FKTN: variants seen among roughly 807,000 people sequenced by gnomAD.
The protein encoded by FKTN is ribitol-5-phosphate transferase FKTN.
Under a neutral mutation model 58.6 loss-of-function variants are expected in FKTN, and 47 were observed. The ratio of observed to expected loss-of-function variants is 0.80; its 90% confidence interval spans 0.63 to 1.02. The LOEUF (loss-of-function observed/expected upper bound fraction) is 1.02, where lower values mean the gene tolerates loss of function less well. FKTN is among the 50% of genes least tolerant of loss of function. FKTN has a pLI of 0.00. For missense variants in FKTN, 516 were observed against 537.3 expected, an observed-to-expected ratio of 0.96 and a Z score of 0.39; for synonymous variants, 178 against 191.9, an observed-to-expected ratio of 0.93 and a Z score of 0.60.
intron 8 of FKTN, among the ~76,000 whole-genome samples, chr9:105,617,679 A>G (rs1831061201): frequency 6.6e-6 from 1 of 151,764 alleles, no homozygotes; most frequent in Admixed American, 6.6e-5. Context: ...CTGCTCAAAC[A>G]AAGTCATTTA....
chr9:105,591,098 A>C (rs1289511551), intron 3 of FKTN, among the ~76,000 whole-genome samples: 1 of 152,154 alleles, frequency 6.6e-6, no homozygotes, highest in Non-Finnish European at 1.5e-5. Context: ...ATTACCTCCC[A>C]CCAGGCCCCA....
At chr9:105,598,040 TA>T (rs1827129102) in intron 4 of FKTN, 4 of 402,304 alleles carry the variant, frequency 9.9e-6, no homozygotes, top group South Asian at 7.6e-5. Flanking sequence ...ATTTAAAGCT[TA>T]AAATAATAGA....
intron 3 of FKTN, among the ~76,000 whole-genome samples, chr9:105,595,376 C>T (rs1425803725): frequency 2.0e-5 from 3 of 152,088 alleles, no homozygotes; most frequent in Non-Finnish European, 4.4e-5. Flanking sequence ...ATTTGCTTAT[C>T]CCAAACTCAA....
At chr9:105,590,783 C>T (rs1207714553) in intron 3 of FKTN, among the ~76,000 whole-genome samples, 1 of 152,086 alleles carries the variant, frequency 6.6e-6, no homozygotes, top group African/African-American at 2.4e-5. Context: ...AAAGAAATAT[C>T]TGAGGCAGGG....
At chr9:105,582,026 CGCGCACG>C (rs1466932434) in intron 3 of FKTN, among the ~76,000 whole-genome samples, 22 of 152,284 alleles carry the variant, frequency 1.4e-4, no homozygotes, top group African/African-American at 4.6e-4. Context: ...TGCTTCGGCT[CGCGCACG>C]GTGCGCGCAC....
chr9:105,581,438 A>G (rs1842878746), intron 3 of FKTN, among the ~76,000 whole-genome samples: 1 of 149,504 alleles, frequency 6.7e-6, no homozygotes, highest in African/African-American at 2.5e-5. Flanking sequence ...GTGAGGTGTC[A>G]GTGTGCCCCT....
intron 9 of FKTN, among the ~76,000 whole-genome samples, chr9:105,618,465 C>A (rs953443822): frequency 6.6e-6 from 1 of 152,114 alleles, no homozygotes; most frequent in South Asian, 2.1e-4. Context: ...GAATCCCACC[C>A]GCCGTACCTG....
At chr9:105,590,858 C>G (rs1477990956) in intron 3 of FKTN, among the ~76,000 whole-genome samples, 2 of 151,902 alleles carry the variant, frequency 1.3e-5, no homozygotes, top group East Asian at 3.9e-4. Flanking sequence ...AAGCATGATG[C>G]TAGCATCTGC....
intron 10 of FKTN, among the ~76,000 whole-genome samples, chr9:105,634,053 C>G (rs1833792843): frequency 6.6e-6 from 1 of 152,046 alleles, no homozygotes; most frequent in African/African-American, 2.4e-5. Context: ...CTAGTTTTAG[C>G]TTTCTTTTCT....
chr9:105,633,064 A>G (rs905534147), intron 10 of FKTN, among the ~76,000 whole-genome samples: 1 of 151,986 alleles, frequency 6.6e-6, no homozygotes, highest in African/African-American at 2.4e-5. Context: ...TTTACATTTT[A>G]TTGTTTGTTT....
chr9:105,615,015 C>G (rs180878733), intron 7 of FKTN, among the ~76,000 whole-genome samples: 1 of 148,530 alleles, frequency 6.7e-6, no homozygotes, highest in East Asian at 2.4e-4. Flanking sequence ...TCTCGAGTAG[C>G]TGGAACTATA....
At chr9:105,626,035 C>A (rs550113199) in intron 10 of FKTN, among the ~76,000 whole-genome samples, 1 of 152,074 alleles carries the variant, frequency 6.6e-6, no homozygotes, top group Non-Finnish European at 1.5e-5. Flanking sequence ...TGAGAACCAT[C>A]CATATTTTTA....
chr9:105,632,091 A>T (rs1294198915), intron 10 of FKTN, among the ~76,000 whole-genome samples: 3 of 151,970 alleles, frequency 2.0e-5, no homozygotes, highest in Non-Finnish European at 2.9e-5. Flanking sequence ...TGCAGCCATA[A>T]AAAAGGATGA....
intron 10 of FKTN, among the ~76,000 whole-genome samples, chr9:105,634,751 G>A (rs1289104973): frequency 1.3e-5 from 2 of 152,198 alleles, no homozygotes; most frequent in Non-Finnish European, 2.9e-5. Context: ...GAAAGCCCAA[G>A]GCTGACTTTG....
chr9:105,629,984 A>T (rs1181982554), intron 10 of FKTN, among the ~76,000 whole-genome samples: 1 of 152,122 alleles, frequency 6.6e-6, no homozygotes, highest in Non-Finnish European at 1.5e-5. Flanking sequence ...ATAGGTGGGA[A>T]TTGAACAATG....
chr9:105,582,341 A>G (rs1378233098), intron 3 of FKTN, among the ~76,000 whole-genome samples: 1 of 152,158 alleles, frequency 6.6e-6, no homozygotes, highest in Admixed American at 6.5e-5. Context: ...CTACAGGCAC[A>G]TGCCATCACG....
chr9:105,603,341 A>G (rs1177231296), intron 5 of FKTN, among the ~76,000 whole-genome samples: 1 of 152,218 alleles, frequency 6.6e-6, no homozygotes, highest in Non-Finnish European at 1.5e-5. Flanking sequence ...AGAAAAGGGA[A>G]GAAGGGAATG....
Position 105,579,303 on chromosome 9 carries a change from A to G in FKTN, c.105+4166A>G, listed in dbSNP as rs554872653. On this transcript the variant is annotated intron_variant, in intron 3 of 10. Coordinates refer to ENST00000357998, the MANE Select transcript of FKTN (RefSeq NM_001079802.2). ...TTCCTGCTTTCTCTTGTGGGCATTTAGTGCTATAAATTTCCCTCTACACAT... is the reference window on the plus strand; with the variant it reads ...TTCCTGCTTTCTCTTGTGGGCATTTGGTGCTATAAATTTCCCTCTACACAT... Among the ~76,000 whole-genome samples the G allele has an allele frequency of 1.5e-3, 234 of 152,146 alleles. 1 individual carries two copies. The highest frequency in any genetic ancestry group is 5.4e-3 in the African/African-American group (222 of 41,492).
intron 7 of FKTN, among the ~76,000 whole-genome samples, chr9:105,608,189 GAATAACTTT>G (rs1829259874): frequency 6.6e-6 from 1 of 151,880 alleles, no homozygotes; most frequent in African/African-American, 2.4e-5. Flanking sequence ...TGTTTTATTT[GAATAACTTT>G]AATAGATTTA....
Sources: gnomAD v4.1 joint callset for allele counts (sites outside exome capture counted in the v4.1 genomes callset) on GRCh38, gnomAD v4.1.1 for gene constraint, MANE v1.5 for transcripts, NCBI Gene and HGNC (gene_info 2026-07-23, HGNC 2026-07-21) for gene names.